ANKS1B: variants seen among roughly 807,000 people sequenced by gnomAD.
ANKS1B encodes ankyrin repeat and sterile alpha motif domain-containing protein 1B.
Under a neutral mutation model 148.3 loss-of-function variants are expected in ANKS1B, and 36 were observed. The observed-to-expected ratio is 0.24, with a 90% CI of 0.19 to 0.32. The LOEUF (loss-of-function observed/expected upper bound fraction) is 0.32, where lower values mean the gene tolerates loss of function less well. Among genes scored for constraint, ANKS1B ranks in the 10% least tolerant of loss-of-function variants. The pLI is 1.00. For synonymous variants in ANKS1B, 542 were observed against 560.8 expected, an observed-to-expected ratio of 0.97 and a Z score of 0.47; for missense variants, 1,157 against 1,542.6, an observed-to-expected ratio of 0.75 and a Z score of 4.19.
chr12:99,655,769 C>T (rs577473233), intron 8 of ANKS1B, among the ~76,000 whole-genome samples: 1 of 152,170 alleles, frequency 6.6e-6, no homozygotes, highest in South Asian at 2.1e-4. Context: ...GATGGTAGAA[C>T]ATTTATAAAA....
At chr12:99,171,242 A>T (rs2077722594) in intron 14 of ANKS1B, among the ~76,000 whole-genome samples, 1 of 152,228 alleles carries the variant, frequency 6.6e-6, no homozygotes, top group South Asian at 2.1e-4. Context: ...AGAATTATAA[A>T]CTACATGTCC....
At chr12:99,303,419 T>C (rs536915816) in intron 12 of ANKS1B, among the ~76,000 whole-genome samples, 3 of 152,252 alleles carry the variant, frequency 2.0e-5, no homozygotes, top group African/African-American at 7.2e-5. Context: ...TATATCTATC[T>C]ACTTAAAACA....
chr12:99,497,209 A>C (rs1404965032), intron 10 of ANKS1B, among the ~76,000 whole-genome samples: 1 of 152,206 alleles, frequency 6.6e-6, no homozygotes, highest in African/African-American at 2.4e-5. Flanking sequence ...GATTACTTGT[A>C]ATACCTACTG....
intron 7 of ANKS1B, among the ~76,000 whole-genome samples, chr12:99,773,405 A>G (rs1056504438): frequency 6.6e-6 from 1 of 152,188 alleles, no homozygotes. Flanking sequence ...TTTAATTTCC[A>G]TAATATTTCA....
At chr12:99,122,435 A>G (rs1185241100) in intron 15 of ANKS1B, among the ~76,000 whole-genome samples, 1 of 152,206 alleles carries the variant, frequency 6.6e-6, no homozygotes, top group Admixed American at 6.5e-5. Context: ...ATCTTCAAAT[A>G]TTTCTAATCA....
chr12:98,967,410 G>A (rs945125651), intron 17 of ANKS1B, among the ~76,000 whole-genome samples: 1 of 151,910 alleles, frequency 6.6e-6, no homozygotes, highest in Admixed American at 6.6e-5. Context: ...TAAGGCCCTC[G>A]ATGAGGTACC....
chr12:99,294,715 G>A (rs1376683866), intron 12 of ANKS1B, among the ~76,000 whole-genome samples: 1 of 151,896 alleles, frequency 6.6e-6, no homozygotes, highest in East Asian at 1.9e-4. Context: ...GTGCAATGGC[G>A]CGATCTTGGC....
intron 17 of ANKS1B, among the ~76,000 whole-genome samples, chr12:98,859,076 C>T (rs2099586002): frequency 6.6e-6 from 1 of 152,148 alleles, no homozygotes; most frequent in Non-Finnish European, 1.5e-5. Flanking sequence ...TTGGAATATA[C>T]TTTGTAGAAG....
intron 10 of ANKS1B, among the ~76,000 whole-genome samples, chr12:99,481,228 C>G (rs566641775): frequency 1.3e-5 from 2 of 151,600 alleles, no homozygotes; most frequent in Non-Finnish European, 3.0e-5. Flanking sequence ...CTCTATGATG[C>G]CTTTGCTGAC....
chr12:99,173,112 TATTAAG>T (rs1450898543), intron 14 of ANKS1B, among the ~76,000 whole-genome samples: 4 of 152,180 alleles, frequency 2.6e-5, no homozygotes, highest in Non-Finnish European at 4.4e-5. Context: ...TCAGCAGATG[TATTAAG>T]ATTAAGTATG....
At chr12:99,979,884 T>C (rs777652666) in intron 1 of ANKS1B, among the ~76,000 whole-genome samples, 61 of 151,934 alleles carry the variant, frequency 4.0e-4, no homozygotes, top group Admixed American at 4.0e-3. Flanking sequence ...TTATACTAAG[T>C]TGAAGAGAGG....
chr12:99,213,283 G>A (rs892374280), intron 14 of ANKS1B, among the ~76,000 whole-genome samples: 4 of 152,218 alleles, frequency 2.6e-5, no homozygotes, highest in African/African-American at 4.8e-5. Context: ...CTGGCAGCGG[G>A]TCATTTCAGC....
At chr12:98,833,125 G>A (rs1477285460) in intron 17 of ANKS1B, among the ~76,000 whole-genome samples, 5 of 152,022 alleles carry the variant, frequency 3.3e-5, no homozygotes, top group South Asian at 2.1e-4. Flanking sequence ...GAATTGCAGC[G>A]CCTCAATCCT....
At chr12:99,928,015 C>G (rs1035269468) in intron 1 of ANKS1B, among the ~76,000 whole-genome samples, 27 of 151,962 alleles carry the variant, frequency 1.8e-4, no homozygotes, top group African/African-American at 6.3e-4. Flanking sequence ...GTTTTCTTAG[C>G]TGGTTGAAGG....
chr12:99,222,755 T>C (rs1207331829), intron 14 of ANKS1B, among the ~76,000 whole-genome samples: 1 of 152,234 alleles, frequency 6.6e-6, no homozygotes, highest in Non-Finnish European at 1.5e-5. Flanking sequence ...TGCTTGATCT[T>C]CCCAAACAGA....
chr12:99,684,348 A>G (rs1052106409), intron 8 of ANKS1B, among the ~76,000 whole-genome samples: 2 of 150,236 alleles, frequency 1.3e-5, no homozygotes, highest in African/African-American at 4.9e-5. Flanking sequence ...TCAAGAACTC[A>G]ACTCCTTTTA....
intron 9 of ANKS1B, among the ~76,000 whole-genome samples, chr12:99,561,525 G>A (rs2153198469): frequency 6.6e-6 from 1 of 152,064 alleles, no homozygotes; most frequent in African/African-American, 2.4e-5. Context: ...ATTATCTGTT[G>A]CATGTAAGCA....
chr12:98,847,581 TCTC>T (rs1404681590), intron 17 of ANKS1B, among the ~76,000 whole-genome samples: 7 of 128,034 alleles, frequency 5.5e-5, no homozygotes, highest in African/African-American at 2.2e-4. Context: ...AGTGCAGGTA[TCTC>T]CTCAAGATCT....
At chr12:99,822,146 A>C (rs1366539696) in intron 2 of ANKS1B, among the ~76,000 whole-genome samples, 1 of 152,118 alleles carries the variant, frequency 6.6e-6, no homozygotes, top group African/African-American at 2.4e-5. Flanking sequence ...AGTGATCAAT[A>C]ATGACAAAAA....
Sources: gnomAD v4.1 joint callset for allele counts (sites outside exome capture counted in the v4.1 genomes callset) on GRCh38, gnomAD v4.1.1 for gene constraint, MANE v1.5 for transcripts, NCBI Gene and HGNC (gene_info 2026-07-23, HGNC 2026-07-21) for gene names.